Variants in NSMAF observed in about 807,000 individuals in gnomAD.
The protein encoded by NSMAF is neutral sphingomyelinase activation associated factor.
NSMAF carries 90 observed loss-of-function variants against 134.9 expected under a neutral mutation model. That is an observed-to-expected ratio of 0.67 (90% confidence interval 0.56 to 0.79). The LOEUF is 0.79. Among genes scored for constraint, NSMAF ranks in the 30% least tolerant of loss-of-function variants. The pLI, the probability that NSMAF is intolerant of heterozygous loss-of-function variation, is 0.00. For missense variants in NSMAF, 1,010 were observed against 1,119.0 expected, an observed-to-expected ratio of 0.90 and a Z score of 1.39; for synonymous variants, 358 against 389.6, an observed-to-expected ratio of 0.92 and a Z score of 0.96.
Position 58,597,366 on chromosome 8 carries a change from T to G in NSMAF, c.1792+21A>C, listed in dbSNP as rs375335128. ...AAGAGAAACAAAAGGTGCTCACGTT[T>G]ATTCTCTTTACAAAATTTACCTGGG... On this transcript the variant is annotated intron_variant, in intron 21 of 30. Coordinates refer to ENST00000038176, the MANE Select transcript of NSMAF (RefSeq NM_003580.4). 1.9e-6 allele frequency: 3 copies of G among 1,605,934 alleles called. No homozygotes were observed. The African/African-American group carries it at 4.0e-5, about 22-fold the overall frequency.
At position 58,599,759 on chromosome 8, in the gene NSMAF, A is replaced by G; in HGVS notation, c.1444T>C (p.Trp482Arg). 1 of 1,614,058 alleles carries G rather than the reference A, an allele frequency of 6.2e-7. No homozygotes were observed. The highest frequency in any genetic ancestry group is 8.5e-7 in the Non-Finnish European group (1 of 1,179,922). The stretch of plus-strand genomic sequence containing the variant: ...CCAAGGGGGGACTCACTGGAAGCCC[A>G]AGGGGGAAGCTCCACGTCGTCAACC... Reference protein sequence around the residue: ...QMVDDVELPPWASSPEDFLQK... With the variant: ...QMVDDVELPPRASSPEDFLQK... The change falls in exon 18 of 31, where the codon TGG becomes CGG. Residue 482 changes from tryptophan (W) to arginine (R), a missense_variant. Trp to Arg is a moderately radical substitution (Grantham distance 101). Transcript: ENST00000038176.
intron 20 of NSMAF, 85 bp from the exon 21 acceptor site, chr8:58,597,635 G>C: frequency 7.8e-7 from 1 of 1,286,312 alleles, no homozygotes; most frequent in Admixed American, 1.9e-5. Context: ...CTGATCAATA[G>C]GAGGGACTAA....
chr8:58,635,377 A>G lies in NSMAF; in HGVS notation c.229-5T>C, dbSNP rs367870640. On this transcript the variant is annotated splice_polypyrimidine_tract_variant and splice_region_variant and intron_variant, in intron 3 of 30. Coordinates refer to ENST00000038176, the MANE Select transcript of NSMAF (RefSeq NM_003580.4). ...TATACAGTCTCTCAAAGGAATCTGG[A>G]TAAAATTGAGAGAAATATTATAAAA... is the stretch of plus-strand genomic sequence containing the variant. 8 of 1,597,866 alleles carry G rather than the reference A, an allele frequency of 5.0e-6. No individual in the cohort carries two copies. The highest frequency in any genetic ancestry group is 6.8e-6 in the Non-Finnish European group (8 of 1,174,136).
chr8:58,644,678 C>T (rs535540564), intron 1 of NSMAF, among the ~76,000 whole-genome samples: 5 of 152,238 alleles, frequency 3.3e-5, no homozygotes, highest in East Asian at 1.9e-4. Context: ...ATGTTTAATG[C>T]GGCACTGTTC....
rs754260856 is a variant in NSMAF at position 58,590,894 on chromosome 8, T to C, written c.1992A>G (p.Leu664=). The part of the protein sequence containing the change: ...LKMFSKESKM[L]QRSISFSNMA... ...TATTTGAAAATGATATACTTCTTTG[T>C]AGCATTTTTGATTCTTTAGAAAACA... The change falls in exon 24 of 31, where the codon CTA becomes CTG. Residue 664 remains leucine (L), a synonymous_variant. Transcript: ENST00000038176. 6.4e-7 allele frequency: 1 copy of C among 1,565,318 alleles called. No individual in the cohort carries two copies. The highest frequency in any genetic ancestry group is 1.1e-5 in the South Asian group (1 of 90,026).
At chr8:58,628,005 C>A (rs534079734) in intron 6 of NSMAF, among the ~76,000 whole-genome samples, 119 of 152,246 alleles carry the variant, frequency 7.8e-4, no homozygotes, top group Middle Eastern at 3.4e-3. Context: ...GCTATAGTTA[C>A]CAAAATAGCA....
At chr8:58,638,091 C>T (rs889517262) in intron 2 of NSMAF, among the ~76,000 whole-genome samples, 8 of 152,122 alleles carry the variant, frequency 5.3e-5, no homozygotes, top group Non-Finnish European at 8.8e-5. Context: ...ACTATGTCAC[C>T]CAGGCTAGAG....
intron 21 of NSMAF, 95 bp downstream of exon 21, chr8:58,597,292 G>T: frequency 9.2e-7 from 1 of 1,090,532 alleles, no homozygotes; most frequent in Non-Finnish European, 1.4e-6. Context: ...TCTCTAAGTA[G>T]CACAACAGTA....
At chr8:58,645,142 T>G (rs1807417535) in intron 1 of NSMAF, among the ~76,000 whole-genome samples, 2 of 150,818 alleles carry the variant, frequency 1.3e-5, no homozygotes, top group African/African-American at 2.4e-5. Context: ...AATTGCAGTA[T>G]CAGGTACCAA....
intron 1 of NSMAF, among the ~76,000 whole-genome samples, chr8:58,645,844 C>G (rs563988443): frequency 1.7e-4 from 26 of 152,242 alleles, no homozygotes; most frequent in Admixed American, 3.9e-4. Flanking sequence ...AGTTCGAGAC[C>G]AGCCTGGTCA....
In NSMAF at chr8:58,597,896, T is replaced by C. The variant is rs1008563111; in HGVS notation, c.1592A>G (p.His531Arg). 1.9e-6 allele frequency: 3 copies of C among 1,604,452 alleles called. No individual in the cohort carries two copies. In the African/African-American group the frequency reaches 4.0e-5, roughly 21 times the overall value. ...TACACCTCCTTCATAGGTCAGGGGA[T>C]GAAATACTGAAAAAGACATACAAAA... ...SDAVGAHNVF[H>R]PLTYEGGVDL... The change falls in exon 20 of 31, where the codon CAT becomes CGT. Residue 531 changes from histidine (H) to arginine (R), a missense_variant. Coordinates refer to ENST00000038176, the MANE Select transcript of NSMAF (RefSeq NM_003580.4).
Position 58,590,920 on chromosome 8 carries a change from T to A in NSMAF, c.1966A>T (p.Met656Leu), listed in dbSNP as rs765902686. The A allele has an allele frequency of 1.4e-5, 22 of 1,571,174 alleles. No individual in the cohort carries two copies. In the South Asian group the frequency reaches 2.2e-4, roughly 16 times the overall value. Residue 656 changes from methionine to leucine, a missense_variant, in exon 24 of 31, where the codon ATG becomes TTG. Met to Leu is a conservative substitution (Grantham distance 15, BLOSUM62 2). Transcript: ENST00000038176. ...FTTSQDSTLKMFSKESKMLQR... is the reference protein window; with the variant it reads ...FTTSQDSTLKLFSKESKMLQR... ...AGCATTTTTGATTCTTTAGAAAACA[T>A]CTTCAAGGTGGAATCTAATTTAATA...
intron 9 of NSMAF, among the ~76,000 whole-genome samples, chr8:58,614,640 C>A (rs370789114): frequency 1.3e-3 from 201 of 152,334 alleles, no homozygotes; most frequent in African/African-American, 4.4e-3. Context: ...CTGGCCCACC[C>A]CTTTGGAGAA....
chr8:58,621,720 T>G (rs1459835558), intron 9 of NSMAF, among the ~76,000 whole-genome samples: 1 of 152,242 alleles, frequency 6.6e-6, no homozygotes, highest in Non-Finnish European at 1.5e-5. Flanking sequence ...TGATTTACAT[T>G]TTTCTAATGA....
rs1238221004 is a variant in NSMAF at position 58,603,201 on chromosome 8, G to A, written c.1045+9C>T. 1 of 1,613,222 alleles carries A rather than the reference G, an allele frequency of 6.2e-7. No homozygotes were observed. The highest frequency in any genetic ancestry group is 1.3e-5 in the African/African-American group (1 of 74,900). On this transcript the variant is annotated intron_variant, in intron 13 of 30. Transcript: ENST00000038176. ...TCAACTTGGTCAGAATTCCACGTGT[G>A]GCAGTTACCTAGTTCTGAGCTGGAA...
Position 58,583,678 on chromosome 8 carries a change from C to A in NSMAF, c.*428G>T. ...GCTATGAAAACACACACCCAAAACCCGATGGGTGGCAATTGTGATAGATTA... is the reference window on the plus strand; with the variant it reads ...GCTATGAAAACACACACCCAAAACCAGATGGGTGGCAATTGTGATAGATTA... On this transcript the variant is annotated 3_prime_UTR_variant, in exon 31 of 31. Transcript: ENST00000038176. The A allele has an allele frequency of 4.5e-6, 1 of 220,724 alleles. No homozygotes were observed. Among genetic ancestry groups the A allele is most frequent in the Non-Finnish European group, 9.0e-6 (1 of 110,998 alleles). 13.7% of individuals were successfully genotyped at this position (220,724 alleles called of 1,614,324 possible).
intron 1 of NSMAF, among the ~76,000 whole-genome samples, chr8:58,647,616 G>A (rs1807489072): frequency 6.6e-6 from 1 of 152,120 alleles, no homozygotes. Context: ...TCAAGCTCTG[G>A]TTGTTTAAAA....
chr8:58,617,195 A>T lies in NSMAF; in HGVS notation c.557+6025T>A, dbSNP rs542980775. On this transcript the variant is annotated intron_variant, in intron 9 of 30. Transcript: ENST00000038176. ...TAAAGACTTAAATGTTAGACCTAAA[A>T]CCATAAAAACCCTAGAAGAAAACCT... is the stretch of plus-strand genomic sequence containing the variant. 7.2e-5 allele frequency among the ~76,000 whole-genome samples: 11 copies of T among 152,324 alleles called. No homozygotes were observed. The South Asian group carries it at 1.5e-3, about 20-fold the overall frequency.
intron 10 of NSMAF, among the ~76,000 whole-genome samples, chr8:58,608,295 A>G (rs1233248552): frequency 2.0e-5 from 3 of 152,226 alleles, no homozygotes; most frequent in Non-Finnish European, 2.9e-5. Flanking sequence ...ACAGTGTATT[A>G]AGGCTCACAG....
Sources: gnomAD v4.1 joint callset for allele counts (sites outside exome capture counted in the v4.1 genomes callset) on GRCh38, gnomAD v4.1.1 for gene constraint, MANE v1.5 for transcripts, NCBI Gene and HGNC (gene_info 2026-07-23, HGNC 2026-07-21) for gene names.